ADCY2: variants seen among roughly 807,000 people sequenced by gnomAD.
ADCY2 encodes adenylate cyclase type 2.
Under a neutral mutation model 125.2 loss-of-function variants are expected in ADCY2, and 31 were observed. The observed-to-expected ratio is 0.25, with a 90% CI of 0.19 to 0.33. The LOEUF is 0.33. ADCY2 is among the 10% of genes least tolerant of loss of function. The probability of loss-of-function intolerance (pLI) is 1.00; values close to 1 mark genes in which losing one functional copy is unlikely to be tolerated. For synonymous variants in ADCY2, 512 were observed against 548.4 expected (o/e 0.93, Z 0.93); for missense variants, 904 against 1,418.2 (o/e 0.64, Z 5.82).
chr5:7,701,944 T>C (rs921763080), intron 7 of ADCY2, among the ~76,000 whole-genome samples: 1 of 148,986 alleles, frequency 6.7e-6, no homozygotes, highest in African/African-American at 2.4e-5. Context: ...TGTCAACAGG[T>C]TTGAGGGACC....
At chr5:7,725,314 C>G (rs1485324171) in intron 13 of ADCY2, among the ~76,000 whole-genome samples, 1 of 152,096 alleles carries the variant, frequency 6.6e-6, no homozygotes, top group Non-Finnish European at 1.5e-5. Flanking sequence ...TAATTACAGG[C>G]CTACTTTGAA....
At chr5:7,505,991 T>G (rs1311259416) in intron 2 of ADCY2, among the ~76,000 whole-genome samples, 1 of 151,114 alleles carries the variant, frequency 6.6e-6, no homozygotes, top group East Asian at 1.9e-4. Context: ...GACCTTACCT[T>G]TTTTTTTTCC....
At chr5:7,760,881 C>T (rs1396245790) in intron 16 of ADCY2, among the ~76,000 whole-genome samples, 3 of 152,106 alleles carry the variant, frequency 2.0e-5, no homozygotes, top group African/African-American at 7.2e-5. Context: ...CAGCTTTGTA[C>T]CCTTTGACCT....
chr5:7,742,228 T>C (rs750336693), intron 14 of ADCY2, among the ~76,000 whole-genome samples: 2 of 151,546 alleles, frequency 1.3e-5, no homozygotes, highest in Admixed American at 6.6e-5. Context: ...CCTTTAGTCA[T>C]GAGGATAATG....
At chr5:7,412,652 T>C (rs1609428) in intron 1 of ADCY2, among the ~76,000 whole-genome samples, 127,756 of 152,250 alleles carry the variant, frequency 0.84, 54,438 homozygotes, top group African/African-American at 0.96. Context: ...TCATTTGATC[T>C]ACTTGTTTTC....
chr5:7,701,518 C>G (rs77302399), intron 7 of ADCY2, among the ~76,000 whole-genome samples: 2,425 of 152,198 alleles, frequency 0.016, 57 homozygotes, highest in African/African-American at 0.047. Context: ...TACAGTGATA[C>G]ATAAAAATGT....
chr5:7,533,002 AT>A (rs1734699218), intron 3 of ADCY2, among the ~76,000 whole-genome samples: 1 of 150,466 alleles, frequency 6.6e-6, no homozygotes, highest in African/African-American at 2.4e-5. Flanking sequence ...GTATATAAAC[AT>A]TTGATATGTA....
At chr5:7,567,419 C>T (rs1294887375) in intron 3 of ADCY2, among the ~76,000 whole-genome samples, 1 of 152,234 alleles carries the variant, frequency 6.6e-6, no homozygotes, top group South Asian at 2.1e-4. Context: ...GAATTTGTGT[C>T]CTTTTTCCTT....
In ADCY2 at chr5:7,709,298, T is replaced by G. The variant is rs1300093452; in HGVS notation, c.1489T>G (p.Tyr497Asp). The G allele has an allele frequency of 6.2e-7, 1 of 1,613,866 alleles. No individual in the cohort carries two copies. Among genetic ancestry groups the G allele is most frequent in the Non-Finnish European group, 8.5e-7 (1 of 1,179,924 alleles). ...KMRASVRMTR[Y>D]LESWGAAKPF... is the part of the protein sequence containing the mutation. ...GAGGGCCTCGGTCCGCATGACCCGG[T>G]ACTTGGAGTCCTGGGGGGCAGCCAA... The change falls in exon 10 of 25, where the codon TAC (tyrosine) becomes GAC (aspartate). Residue 497 changes from tyrosine (Y) to aspartate (D), a missense_variant. Tyr to Asp is a radical substitution (Grantham distance 160). This residue lies in a region of ADCY2 where 144 missense variants were observed against 227.7 expected (regional missense o/e 0.63). Coordinates refer to ENST00000338316, the MANE Select transcript of ADCY2 (RefSeq NM_020546.3). This position sits in a 1 kb window ranked among gnomAD's most constrained non-coding sequence, Gnocchi z 4.4.
In ADCY2 at chr5:7,463,943, G is replaced by A. The variant is rs574741837; in HGVS notation, c.408+49173G>A. Among the ~76,000 whole-genome samples, 8 of 152,276 alleles carry A rather than the reference G, an allele frequency of 5.3e-5. No individual in the cohort carries two copies. The South Asian group carries it at 1.0e-3, about 20-fold the overall frequency. On this transcript the variant is annotated intron_variant, in intron 2 of 24. Coordinates refer to ENST00000338316, the MANE Select transcript of ADCY2 (RefSeq NM_020546.3). Reference sequence around the variant, plus strand: ...TCCTATGTTCTCCATTTTGGCTGCTGTGTTTTGGTGCATCTTATGTAACAC... The same window carrying A: ...TCCTATGTTCTCCATTTTGGCTGCTATGTTTTGGTGCATCTTATGTAACAC...
intron 20 of ADCY2, chr5:7,795,862 TAA>T (rs34610933): frequency 2.4e-4 from 36 of 151,206 alleles, no homozygotes; most frequent in African/African-American, 8.7e-4. Flanking sequence ...GCATGATGTG[TAA>T]AAAAAAATGT....
At chr5:7,627,751 A>G (rs181640531) in intron 4 of ADCY2, among the ~76,000 whole-genome samples, 1 of 152,204 alleles carries the variant, frequency 6.6e-6, no homozygotes, top group African/African-American at 2.4e-5. Flanking sequence ...AATGGTAATC[A>G]TTCTTTTTTG....
intron 1 of ADCY2, among the ~76,000 whole-genome samples, chr5:7,411,891 C>T (rs906812689): frequency 6.6e-6 from 1 of 151,922 alleles, no homozygotes; most frequent in Non-Finnish European, 1.5e-5. Flanking sequence ...CCGGCTAAAA[C>T]GGTGAAACCC....
At chr5:7,817,004 G>A (rs184545117) in intron 23 of ADCY2, 24 bp downstream of exon 23, 66 of 1,576,194 alleles carry the variant, frequency 4.2e-5, no homozygotes, top group Non-Finnish European at 4.9e-5. Context: ...AAGAGGTCTC[G>A]GTTTCAGTTG....
intron 15 of ADCY2, chr5:7,749,751 C>T (rs1356548081): frequency 1.3e-5 from 2 of 152,120 alleles, no homozygotes; most frequent in African/African-American, 2.4e-5. Context: ...CTTGTGCTTT[C>T]AATAGCAGAG....
chr5:7,433,264 A>G (rs1001535185), intron 2 of ADCY2, among the ~76,000 whole-genome samples: 2 of 152,186 alleles, frequency 1.3e-5, no homozygotes, highest in Non-Finnish European at 2.9e-5. Context: ...CAGTATTTCT[A>G]TTTTTATCAA....
chr5:7,529,544 T>C (rs888634953), intron 3 of ADCY2, among the ~76,000 whole-genome samples: 6 of 152,232 alleles, frequency 3.9e-5, no homozygotes, highest in Middle Eastern at 3.2e-3. Context: ...CTCGTGAATG[T>C]CTGGACATGG....
intron 3 of ADCY2, among the ~76,000 whole-genome samples, chr5:7,576,186 C>T (rs1736242856): frequency 6.6e-6 from 1 of 152,198 alleles, no homozygotes; most frequent in Non-Finnish European, 1.5e-5. Context: ...GTGCTGCACA[C>T]AGGCCCTCCC....
At chr5:7,812,332 G>T (rs326149) in intron 22 of ADCY2, among the ~76,000 whole-genome samples, 147,138 of 152,286 alleles carry the variant, frequency 0.97, 71,191 homozygotes, top group African/African-American at 0.99. Context: ...AACTCAAAAC[G>T]GAAAGAAAAT....
Sources: gnomAD v4.1 joint callset for allele counts (sites outside exome capture counted in the v4.1 genomes callset) on GRCh38, gnomAD v4.1.1 for gene constraint, gnomAD v4.1.1 regional missense constraint, Gnocchi (gnomAD v3.1) non-coding constraint, MANE v1.5 for transcripts, NCBI Gene and HGNC (gene_info 2026-07-23, HGNC 2026-07-21) for gene names.